Variants in USP48 observed in about 807,000 individuals in gnomAD.
USP48 encodes ubiquitin specific peptidase 48.
USP48 carries 43 observed loss-of-function variants against 150.7 expected under a neutral mutation model. The ratio of observed to expected loss-of-function variants is 0.29; its 90% CI spans 0.22 to 0.37. The LOEUF (loss-of-function observed/expected upper bound fraction) is 0.37, where lower values mean the gene tolerates loss of function less well. Ranked by LOEUF, USP48 falls within the 10% of genes least tolerant of loss-of-function variation. The pLI, the probability that USP48 is intolerant of heterozygous loss-of-function variation, is 1.00. For missense variants in USP48, 813 were observed against 1,249.6 expected (o/e 0.65, Z 5.27); for synonymous variants, 396 against 425.9 (o/e 0.93, Z 0.86).
chr1:21,709,982 T>C (rs1263181072), intron 15 of USP48, among the ~76,000 whole-genome samples: 1 of 152,128 alleles, frequency 6.6e-6, no homozygotes, highest in Non-Finnish European at 1.5e-5. Context: ...TAACTATGAA[T>C]ATTAATACAA....
chr1:21,697,891 T>C (rs1180127381), intron 22 of USP48, among the ~76,000 whole-genome samples: 1 of 152,116 alleles, frequency 6.6e-6, no homozygotes, highest in Non-Finnish European at 1.5e-5. Flanking sequence ...TCTGGAGAAT[T>C]TAAATCCAAC....
intron 26 of USP48, among the ~76,000 whole-genome samples, chr1:21,680,285 T>C (rs1232052866): frequency 6.6e-6 from 1 of 152,228 alleles, no homozygotes; most frequent in Non-Finnish European, 1.5e-5. Flanking sequence ...TTGAATATTA[T>C]CGGTGTGCAC....
At chr1:21,766,966 A>G (rs1035133941) in intron 1 of USP48, among the ~76,000 whole-genome samples, 1 of 152,012 alleles carries the variant, frequency 6.6e-6, no homozygotes, top group Non-Finnish European at 1.5e-5. Flanking sequence ...TGGGAGGCTG[A>G]GGCAGGAGAA....
At chr1:21,709,267 T>C (rs1460123958) in intron 15 of USP48, among the ~76,000 whole-genome samples, 1 of 152,114 alleles carries the variant, frequency 6.6e-6, no homozygotes, top group African/African-American at 2.4e-5. Flanking sequence ...CCCAAAAGAT[T>C]ATTTTGCTTT....
chr1:21,700,382 C>G lies in USP48; in HGVS notation c.2727+1116G>C, dbSNP rs550670442. ...AAACAAATGCTGACATCCCTTTACA[C>G]CGGTTGGGAAACCACAAGTAACATT... On this transcript the variant is annotated intron_variant, in intron 22 of 26. Coordinates refer to ENST00000308271, the MANE Select transcript of USP48 (RefSeq NM_032236.8). 1.1e-4 allele frequency among the ~76,000 whole-genome samples: 17 copies of G among 152,250 alleles called. No individual in the cohort carries two copies. In the South Asian group the frequency reaches 3.3e-3, roughly 30 times the overall value.
intron 22 of USP48, among the ~76,000 whole-genome samples, chr1:21,698,344 AT>A (rs921168350): frequency 3.3e-5 from 5 of 152,344 alleles, no homozygotes; most frequent in East Asian, 3.9e-4. Context: ...AGTATAAAAA[AT>A]AATTACAGTA....
intron 25 of USP48, chr1:21,686,114 A>C (rs1000060288): frequency 2.6e-5 from 4 of 152,162 alleles, no homozygotes; most frequent in African/African-American, 9.7e-5. Context: ...TCTAAAAAAA[A>C]AGCATGTCAT....
In USP48 at chr1:21,678,435, T is replaced by C. The variant is rs368701503; in HGVS notation, c.*982A>G. 1 of 152,106 alleles carries C rather than the reference T, an allele frequency of 6.6e-6. No individual in the cohort carries two copies. Among genetic ancestry groups the C allele is most frequent in the East Asian group, 1.9e-4 (1 of 5,190 alleles). The allele number at this position is 152,106 out of a possible 1,614,324, so 9.4% of individuals were successfully genotyped here. On this transcript the variant is annotated 3_prime_UTR_variant, in exon 27 of 27. Coordinates refer to ENST00000308271, the MANE Select transcript of USP48 (RefSeq NM_032236.8). ...CAGCACATCCATATACTTTTTTCCT[T>C]TTTTAAACAATGATCTAAGAGACCC...
chr1:21,765,226 T>G (rs2097858821), intron 1 of USP48, among the ~76,000 whole-genome samples: 1 of 152,262 alleles, frequency 6.6e-6, no homozygotes, highest in African/African-American at 2.4e-5. Context: ...CACCAACGTG[T>G]TAGGCAGAGG....
At chr1:21,696,641 A>T (rs1001211564) in intron 22 of USP48, among the ~76,000 whole-genome samples, 2 of 152,132 alleles carry the variant, frequency 1.3e-5, no homozygotes, top group Admixed American at 6.5e-5. Context: ...GCACATTATT[A>T]GTATTAGGTA....
Position 21,703,622 on chromosome 1 carries a change from T to TG in USP48, c.2516-5dup, listed in dbSNP as rs753035639. 196 of 1,579,864 alleles carry TG rather than the reference T, an allele frequency of 1.2e-4. No homozygotes were observed. The highest frequency in any genetic ancestry group is 3.4e-4 in the Middle Eastern group (2 of 5,954). ...TCTCTGCATTCTGGACAGAGTTCTT[T>TG]GGGGGAAAAAAAAAAAGGGAAAACA... is the stretch of plus-strand genomic sequence containing the variant. On this transcript the variant is annotated splice_region_variant and splice_polypyrimidine_tract_variant and intron_variant, in intron 20 of 26. Coordinates refer to ENST00000308271, the MANE Select transcript of USP48 (RefSeq NM_032236.8).
chr1:21,703,400 TGAAG>T (rs1361351662), intron 21 of USP48, 108 bp downstream of exon 21: 10 of 651,280 alleles, frequency 1.5e-5, no homozygotes, highest in Non-Finnish European at 2.6e-5. Flanking sequence ...CAAACAGCTC[TGAAG>T]GAACAAAAAT....
chr1:21,776,189 T>C (rs1220998820), intron 1 of USP48, among the ~76,000 whole-genome samples: 2 of 152,118 alleles, frequency 1.3e-5, no homozygotes, highest in Non-Finnish European at 2.9e-5. Flanking sequence ...AACAAACAAG[T>C]CTGCCCTCAA....
In USP48 at chr1:21,689,399, C is replaced by G. The variant is rs1198633387; in HGVS notation, c.3009+575G>C. The stretch of plus-strand genomic sequence containing the variant: ...CTTTGTGACCTGAGACCAGATCACT[C>G]AGCTTGCCCCTTTGGAATGACAGTC... On this transcript the variant is annotated intron_variant, in intron 24 of 26. Transcript: ENST00000308271. 3.3e-5 allele frequency among the ~76,000 whole-genome samples: 5 copies of G among 150,518 alleles called. No individual in the cohort carries two copies. In the South Asian group the frequency reaches 1.1e-3, roughly 33 times the overall value.
At chr1:21,701,679 C>G (rs2097657442) in intron 21 of USP48, 77 bp from the exon 22 acceptor site, 1 of 1,169,258 alleles carries the variant, frequency 8.6e-7, no homozygotes, top group African/African-American at 1.5e-5. Flanking sequence ...GGGGCTGGGA[C>G]CGGCAACCTT....
chr1:21,718,890 C>T (rs182872061), intron 14 of USP48, among the ~76,000 whole-genome samples: 103 of 152,000 alleles, frequency 6.8e-4, no homozygotes, highest in African/African-American at 2.2e-3. Context: ...AATTATAGTA[C>T]GGTTTTTCAA....
At chr1:21,735,852 C>T (rs1460059730) in intron 9 of USP48, among the ~76,000 whole-genome samples, 2 of 146,642 alleles carry the variant, frequency 1.4e-5, no homozygotes, top group Non-Finnish European at 1.5e-5. Flanking sequence ...CTCGCCATTG[C>T]ACTCCAGCCT....
Position 21,700,920 on chromosome 1 carries a change from C to G in USP48, c.2727+578G>C, listed in dbSNP as rs1037928458. On this transcript the variant is annotated intron_variant, in intron 22 of 26. Transcript: ENST00000308271. ...CTCCATTAAAGATACAAAAAATTAG[C>G]CAGGAGTGGTGGCGCATGCCTGTAA... Among the ~76,000 whole-genome samples, 4 of 151,870 alleles carry G rather than the reference C, an allele frequency of 2.6e-5. 1 individual carries two copies. Among genetic ancestry groups the G allele is most frequent in the Non-Finnish European group, 5.9e-5 (4 of 67,990 alleles).
chr1:21,778,812 G>A (rs543502028), intron 1 of USP48, among the ~76,000 whole-genome samples: 4 of 150,804 alleles, frequency 2.7e-5, no homozygotes, highest in East Asian at 2.0e-4. Context: ...GTGCAGTGGC[G>A]TATCTCAGCT....
Sources: gnomAD v4.1 joint callset for allele counts (sites outside exome capture counted in the v4.1 genomes callset) on GRCh38, gnomAD v4.1.1 for gene constraint, MANE v1.5 for transcripts, NCBI Gene and HGNC (gene_info 2026-07-23, HGNC 2026-07-21) for gene names.